Variants in LRRC49 observed in about 807,000 individuals in gnomAD.
LRRC49 encodes the protein leucine-rich repeat-containing protein 49.
LRRC49 carries 50 observed loss-of-function variants against 83.3 expected under a neutral mutation model. The ratio of observed to expected loss-of-function variants is 0.60; its 90% CI spans 0.48 to 0.76. The LOEUF is 0.76. LRRC49 is among the 30% of genes least tolerant of loss of function. The probability of loss-of-function intolerance (pLI) is 0.00; values close to 1 mark genes in which losing one functional copy is unlikely to be tolerated. For synonymous variants in LRRC49, 286 were observed against 283.3 expected (o/e 1.01, Z -0.10); for missense variants, 704 against 809.1 (o/e 0.87, Z 1.58).
At chr15:70,868,338 A>C (rs1240097353) in intron 1 of LRRC49, among the ~76,000 whole-genome samples, 1 of 152,248 alleles carries the variant, frequency 6.6e-6, no homozygotes, top group Non-Finnish European at 1.5e-5. Context: ...ATACGTACCC[A>C]GTAGGGAGCC....
chr15:71,015,497 C>T (rs935026697), intron 14 of LRRC49, among the ~76,000 whole-genome samples: 1 of 152,118 alleles, frequency 6.6e-6, no homozygotes, highest in East Asian at 1.9e-4. Flanking sequence ...TGACAGGAGG[C>T]GGAGCTCAGC....
At position 70,952,362 on chromosome 15, in the gene LRRC49, T is replaced by C. The variant is rs572346822; in HGVS notation, c.774-11423T>C. Among the ~76,000 whole-genome samples the C allele has an allele frequency of 6.2e-4, 95 of 152,242 alleles. 1 individual carries two copies. In the Middle Eastern group the frequency reaches 0.01, roughly 16 times the overall value. ...CACTAGCTCTTCTTTGTATATCTGGTAGAATTCAACTGTGAATCCATCTGG... is the reference window on the plus strand; with the variant it reads ...CACTAGCTCTTCTTTGTATATCTGGCAGAATTCAACTGTGAATCCATCTGG... On this transcript the variant is annotated intron_variant, in intron 8 of 15. Coordinates refer to ENST00000260382, the MANE Select transcript of LRRC49 (RefSeq NM_017691.5).
chr15:71,033,671 T>C lies in LRRC49; in HGVS notation c.1704-3508T>C, dbSNP rs189552904. On this transcript the variant is annotated intron_variant, in intron 14 of 15. Coordinates refer to ENST00000260382, the MANE Select transcript of LRRC49 (RefSeq NM_017691.5). The stretch of plus-strand genomic sequence containing the variant: ...GGCTACAGTAACCAAAACAGCATGG[T>C]ACTGGTACCAAAACAGACACATACA... Among the ~76,000 whole-genome samples, 277 of 152,294 alleles carry C rather than the reference T, an allele frequency of 1.8e-3. 2 individuals carry two copies. The highest frequency in any genetic ancestry group is 6.5e-3 in the African/African-American group (272 of 41,572).
At chr15:71,041,553 C>G (rs1669387549) in intron 15 of LRRC49, among the ~76,000 whole-genome samples, 1 of 152,002 alleles carries the variant, frequency 6.6e-6, no homozygotes, top group African/African-American at 2.4e-5. Context: ...TTGTAATAAC[C>G]TAATAATAAA....
chr15:71,025,940 C>G (rs2039154830), intron 14 of LRRC49, among the ~76,000 whole-genome samples: 1 of 152,066 alleles, frequency 6.6e-6, no homozygotes, highest in African/African-American at 2.4e-5. Context: ...ACTTTAACAC[C>G]CCACTGTCAA....
intron 11 of LRRC49, among the ~76,000 whole-genome samples, chr15:70,985,631 C>T (rs761544087): frequency 3.3e-5 from 5 of 152,142 alleles, no homozygotes; most frequent in African/African-American, 1.2e-4. Flanking sequence ...CTCTTGAGTT[C>T]AATTAGATCC....
At chr15:71,002,368 C>T (rs1384105919) in intron 11 of LRRC49, among the ~76,000 whole-genome samples, 2 of 151,926 alleles carry the variant, frequency 1.3e-5, no homozygotes, top group Non-Finnish European at 2.9e-5. Flanking sequence ...AAATTATAGA[C>T]ACAAAAAGGG....
At chr15:70,860,150 C>T in intron 1 of LRRC49, 3 of 693,374 alleles carry the variant, frequency 4.3e-6, no homozygotes, top group Admixed American at 2.1e-5. Context: ...CCTCTGACAT[C>T]CTGCCTAAGT....
rs1798004659 is a variant in LRRC49 at position 71,019,023 on chromosome 15, A to G, written c.1703+6110A>G. Among the ~76,000 whole-genome samples the G allele has an allele frequency of 2.0e-5, 3 of 152,218 alleles. No individual in the cohort carries two copies. The South Asian group carries it at 6.2e-4, about 32-fold the overall frequency. On this transcript the variant is annotated intron_variant, in intron 14 of 15. Transcript: ENST00000260382. ...AAGGGCAAGGTATGTGGGAAGGGGC[A>G]CAGAGCTTCCATGCCCTCTCCAGGC...
intron 14 of LRRC49, among the ~76,000 whole-genome samples, chr15:71,026,159 C>T (rs563782586): frequency 6.6e-6 from 1 of 151,950 alleles, no homozygotes; most frequent in Non-Finnish European, 1.5e-5. Flanking sequence ...TGAGTGAGAA[C>T]ATGCAGTGTT....
At chr15:71,048,858 G>A (rs1482696586) in intron 15 of LRRC49, 1 of 455,938 alleles carries the variant, frequency 2.2e-6, no homozygotes, top group Non-Finnish European at 4.4e-6. Flanking sequence ...GTTTCTATAT[G>A]TTTACTCTTC....
intron 9 of LRRC49, among the ~76,000 whole-genome samples, chr15:70,975,333 T>G (rs2037167663): frequency 6.6e-6 from 1 of 152,172 alleles, no homozygotes. Flanking sequence ...TAGAAAATTC[T>G]GGGAGGCAGA....
intron 5 of LRRC49, 135 bp from the exon 6 acceptor site, chr15:70,911,396 AT>A (rs2034544332): frequency 4.7e-6 from 2 of 422,080 alleles, no homozygotes; most frequent in Non-Finnish European, 8.6e-6. Flanking sequence ...GAAATATATT[AT>A]TGTTGAATAT....
rs552583678 is a variant in LRRC49 at position 71,048,542 on chromosome 15, A to G, written c.1858-867A>G. Among the ~76,000 whole-genome samples the G allele has an allele frequency of 3.3e-5, 5 of 152,214 alleles. No homozygotes were observed. The South Asian group carries it at 1.0e-3, about 32-fold the overall frequency. On this transcript the variant is annotated intron_variant, in intron 15 of 15. Coordinates refer to ENST00000260382, the MANE Select transcript of LRRC49 (RefSeq NM_017691.5). ...TTACTTTCCTTCTTCATTGATGTGC[A>G]TTACTTCCCTTGTAATTCTGATTAT...
At chr15:70,947,988 T>C (rs1322956470) in intron 8 of LRRC49, among the ~76,000 whole-genome samples, 2 of 152,178 alleles carry the variant, frequency 1.3e-5, no homozygotes, top group African/African-American at 4.8e-5. Context: ...GGAAAGAAGA[T>C]AATAACAATA....
chr15:70,860,115 C>G (rs968597083), intron 1 of LRRC49: 1 of 706,272 alleles, frequency 1.4e-6, no homozygotes, highest in South Asian at 1.6e-5. Flanking sequence ...GATTGAGACC[C>G]GTGATGGGAA....
intron 2 of LRRC49, among the ~76,000 whole-genome samples, chr15:70,884,404 C>T (rs371937791): frequency 6.6e-6 from 1 of 152,032 alleles, no homozygotes; most frequent in East Asian, 1.9e-4. Context: ...GGTGGTACAT[C>T]AGCTATTCGG....
chr15:70,854,207 G>A lies in LRRC49; in HGVS notation c.-299+738G>A, dbSNP rs1160891357. On this transcript the variant is annotated intron_variant, in intron 1 of 16. Transcript: ENST00000544974. ...GAGCGCGCCTGCCGCTCGGCCCAGG[G>A]GAGGGACAGGGGTCGCGGCGCCCCG... 7.6e-6 allele frequency: 5 copies of A among 661,360 alleles called. No individual in the cohort carries two copies. The South Asian group carries it at 3.4e-4, about 45-fold the overall frequency. The allele number at this position is 661,360 out of a possible 1,614,324, so 41.0% of individuals were successfully genotyped here.
At chr15:70,965,190 G>A (rs2036752542) in intron 9 of LRRC49, among the ~76,000 whole-genome samples, 1 of 152,102 alleles carries the variant, frequency 6.6e-6, no homozygotes, top group Admixed American at 6.6e-5. Context: ...AGATGAGTGG[G>A]ATAAGATTTA....
Sources: allele counts gnomAD v4.1 joint callset (sites outside exome capture counted in the v4.1 genomes callset), GRCh38; gene constraint gnomAD v4.1.1; transcripts MANE v1.5; gene names NCBI Gene and HGNC (gene_info 2026-07-23, HGNC 2026-07-21).